The following GRIN1 variants were observed in gnomAD, a reference collection of about 807,000 sequenced individuals.
GRIN1 encodes glutamate receptor ionotropic, NMDA 1.
In GRIN1, 38 loss-of-function variants were observed where a neutral mutation model predicts 103.0. The ratio of observed to expected loss-of-function variants is 0.37; its 90% confidence interval spans 0.28 to 0.48. The LOEUF is 0.48. GRIN1 is among the 20% of genes least tolerant of loss of function. The pLI is 0.98. For missense variants in GRIN1, 577 were observed against 1,288.9 expected, an observed-to-expected ratio of 0.45 and a Z score of 8.46; for synonymous variants, 544 against 532.7, an observed-to-expected ratio of 1.02 and a Z score of -0.29.
intron 1 of GRIN1, among the ~76,000 whole-genome samples, chr9:137,140,389 G>C (rs998499936): frequency 6.6e-6 from 1 of 152,238 alleles, no homozygotes; most frequent in Non-Finnish European, 1.5e-5. Flanking sequence ...CAATGAGGCT[G>C]CAAGGATCTG....
Position 137,167,410 on chromosome 9 carries a change from G to T in GRIN1, c.2701-1G>T. On this transcript the variant is annotated splice_acceptor_variant, in intron 19 of 19. Coordinates refer to ENST00000371561, the MANE Select transcript of GRIN1 (RefSeq NM_007327.4). LOFTEE classifies it high-confidence loss of function. ...TATTGATTGTTGGTTCTTATTTATAGAGCACCGGGGGTGGACGCGGCGCTT... is the reference window on the plus strand; with the variant it reads ...TATTGATTGTTGGTTCTTATTTATATAGCACCGGGGGTGGACGCGGCGCTT... 1 of 1,558,720 alleles carries T rather than the reference G, an allele frequency of 6.4e-7. No homozygotes were observed. The highest frequency in any genetic ancestry group is 2.4e-5 in the East Asian group (1 of 41,936).
chr9:137,167,470 C>T lies in GRIN1; in HGVS notation c.2760C>T (p.Arg920=), dbSNP rs895127813. ...AAAAAGACACAGTGCTGCCGCGACG[C>T]GCTATTGAGAGGGAGGAGGGCCAGC... ...QNQKDTVLPR[R]AIEREEGQLQ... The change falls in exon 20 of 20, where the codon CGC becomes CGT. Residue 920 remains arginine, a synonymous_variant. Coordinates refer to ENST00000371561, the MANE Select transcript of GRIN1 (RefSeq NM_007327.4). 4 of 1,560,140 alleles carry T rather than the reference C, an allele frequency of 2.6e-6. No individual in the cohort carries two copies. The highest frequency in any genetic ancestry group is 3.5e-6 in the Non-Finnish European group (4 of 1,152,098).
At chr9:137,155,126 G>A (rs531424832) in intron 4 of GRIN1, among the ~76,000 whole-genome samples, 17 of 152,310 alleles carry the variant, frequency 1.1e-4, no homozygotes, top group Non-Finnish European at 1.9e-4. Flanking sequence ...TAAAACGATC[G>A]GATGAGTTTT....
rs1833975547 is a variant in GRIN1, at chr9:137,168,120, CG to C, written c.*598del. ...CCTGGGGTCTCTGAGCAGTGGGGAG[CG>C]GGGGCTAACTGGCCCCAGGCGGAGG... On this transcript the variant is annotated 3_prime_UTR_variant, in exon 20 of 20. Transcript: ENST00000371561. The C allele has an allele frequency of 7.4e-6, 4 of 541,804 alleles. No individual in the cohort carries two copies. Among genetic ancestry groups the C allele is most frequent in the Non-Finnish European group, 1.3e-5 (4 of 304,666 alleles). 33.6% of individuals were successfully genotyped at this position (541,804 alleles called of 1,614,324 possible).
Position 137,167,994 on chromosome 9 carries a change from G to A in GRIN1, c.*467G>A. On this transcript the variant is annotated 3_prime_UTR_variant, in exon 20 of 20. Coordinates refer to ENST00000371561, the MANE Select transcript of GRIN1 (RefSeq NM_007327.4). ...CGCCCGCCCACCCCGCTGCCTGGCG[G>A]GCAGCCCCTGCTGGACCAAGGTGCG... 1 of 743,206 alleles carries A rather than the reference G, an allele frequency of 1.3e-6. No individual in the cohort carries two copies. The highest frequency in any genetic ancestry group is 2.3e-6 in the Non-Finnish European group (1 of 432,170). The allele number at this position is 743,206 out of a possible 1,614,324, so 46.0% of individuals were successfully genotyped here. A position where few individuals can be genotyped will look rare whatever the true frequency, so the allele number is the denominator to read the frequency against.
rs200186017 is a variant in GRIN1 at position 137,168,729 on chromosome 9, G to C, written c.*1202G>C. On this transcript the variant is annotated 3_prime_UTR_variant, in exon 20 of 20. Coordinates refer to ENST00000371561, the MANE Select transcript of GRIN1 (RefSeq NM_007327.4). Reference sequence around the variant, plus strand: ...CAACCCCCACCTCCCGGTGTATGCAGTGGTGATGCCTAAAGGAATGTCACG... The same window carrying C: ...CAACCCCCACCTCCCGGTGTATGCACTGGTGATGCCTAAAGGAATGTCACG... The C allele has an allele frequency of 1.0e-3, 734 of 702,280 alleles. 1 individual carries two copies. Among genetic ancestry groups the C allele is most frequent in the Non-Finnish European group, 1.3e-3 (683 of 515,118 alleles). The allele number at this position is 702,280 out of a possible 1,614,324, so 43.5% of individuals were successfully genotyped here. A position where few individuals can be genotyped will look rare whatever the true frequency, so the allele number is the denominator to read the frequency against.
chr9:137,151,499 T>C (rs986496343), intron 4 of GRIN1, among the ~76,000 whole-genome samples: 27 of 133,830 alleles, frequency 2.0e-4, no homozygotes, highest in Middle Eastern at 4.3e-3. Context: ...CAGGGAAAGC[T>C]TCACCCAGAG....
chr9:137,144,429 C>T lies in GRIN1; in HGVS notation c.394-1297C>T, dbSNP rs375036352. Among the ~76,000 whole-genome samples, 383 of 150,906 alleles carry T rather than the reference C, an allele frequency of 2.5e-3. 5 individuals carry two copies. In the East Asian group the frequency reaches 0.029, roughly 11 times the overall value. ...CAGCACTTTGGGAGGCCGAGGCGGGCGGATCACGAGGTCAGGAGATCGAGA... is the reference window on the plus strand; with the variant it reads ...CAGCACTTTGGGAGGCCGAGGCGGGTGGATCACGAGGTCAGGAGATCGAGA... On this transcript the variant is annotated intron_variant, in intron 2 of 19. Coordinates refer to ENST00000371561, the MANE Select transcript of GRIN1 (RefSeq NM_007327.4).
Position 137,167,875 on chromosome 9 carries a change from C to T in GRIN1, c.*348C>T, listed in dbSNP as rs948241053. On this transcript the variant is annotated 3_prime_UTR_variant, in exon 20 of 20. Coordinates refer to ENST00000371561, the MANE Select transcript of GRIN1 (RefSeq NM_007327.4). The stretch of plus-strand genomic sequence containing the variant: ...GGAGGCGCCCACCTGCCCAGTTAGC[C>T]CGGCCAAGGACACTGATGGGTCCTG... 2 of 1,593,274 alleles carry T rather than the reference C, an allele frequency of 1.3e-6. No individual in the cohort carries two copies. The highest frequency in any genetic ancestry group is 1.7e-6 in the Non-Finnish European group (2 of 1,163,826).
chr9:137,139,524 TCTC>T lies in GRIN1; in HGVS notation c.41_43del (p.Ser14del), dbSNP rs778242525. 14 of 1,606,212 alleles carry T rather than the reference TCTC, an allele frequency of 8.7e-6. No individual in the cohort carries two copies. In the South Asian group the frequency reaches 1.1e-4, roughly 13 times the overall value. On this transcript the variant is annotated inframe_deletion, in exon 1 of 20. Coordinates refer to ENST00000371561, the MANE Select transcript of GRIN1 (RefSeq NM_007327.4). The surrounding 1 kb of genome is among the most constrained non-coding windows in gnomAD (Gnocchi z 7.7). Reference sequence around the variant, plus strand: ...CGCCTGCTGACGCTCGCCCTGCTGTTCTCCTGCTCCGTCGCCCGTGCCGCGTGC... The same window carrying T: ...CGCCTGCTGACGCTCGCCCTGCTGTTCTGCTCCGTCGCCCGTGCCGCGTGC...
chr9:137,158,493 G>T lies in GRIN1; in HGVS notation c.1083G>T (p.Leu361=). 1 of 1,613,352 alleles carries T rather than the reference G, an allele frequency of 6.2e-7. No individual in the cohort carries two copies. The highest frequency in any genetic ancestry group is 1.3e-5 in the African/African-American group (1 of 75,040). The change falls in exon 7 of 20, where the codon CTG becomes CTT. Residue 361 remains leucine (L), a synonymous_variant. Coordinates refer to ENST00000371561, the MANE Select transcript of GRIN1 (RefSeq NM_007327.4). ...TCATGAACCTGCAGAACCGCAAGCTGGTGCAAGTGGGCATCTACAATGGCA... is the reference window on the plus strand; with the variant it reads ...TCATGAACCTGCAGAACCGCAAGCTTGTGCAAGTGGGCATCTACAATGGCA... ...YSIMNLQNRK[L]VQVGIYNGTH...
At position 137,139,297 on chromosome 9, in the gene GRIN1, G is replaced by T. The variant is rs1356479660; in HGVS notation, c.-190G>T. The T allele has an allele frequency of 2.1e-5, 5 of 234,354 alleles. No individual in the cohort carries two copies. Among genetic ancestry groups the T allele is most frequent in the Non-Finnish European group, 4.0e-5 (5 of 124,820 alleles). The allele number at this position is 234,354 out of a possible 1,614,324, so 14.5% of individuals were successfully genotyped here. On this transcript the variant is annotated 5_prime_UTR_variant, in exon 1 of 20. Coordinates refer to ENST00000371561, the MANE Select transcript of GRIN1 (RefSeq NM_007327.4). This position sits in a 1 kb window ranked among gnomAD's most constrained non-coding sequence, Gnocchi z 7.7. Reference sequence around the variant, plus strand: ...GACAGCGCCGGCCGCGTGGGGCTGAGCCCCGAGCCCCCGCGCACGCTTCAG... The same window carrying T: ...GACAGCGCCGGCCGCGTGGGGCTGATCCCCGAGCCCCCGCGCACGCTTCAG...
At position 137,145,839 on chromosome 9, in the gene GRIN1, C is replaced by T. The variant is rs199720207; in HGVS notation, c.507C>T (p.Asp169=). The stretch of plus-strand genomic sequence containing the variant: ...ACCACATCATCCTGCTGGTCAGCGA[C>T]GACCACGAGGGCCGGGCGGCTCAGA... ...SWNHIILLVS[D]DHEGRAAQKR... Residue 169 remains aspartate, a synonymous_variant, in exon 3 of 20, where the codon GAC becomes GAT. Coordinates refer to ENST00000371561, the MANE Select transcript of GRIN1 (RefSeq NM_007327.4). 74 of 1,612,330 alleles carry T rather than the reference C, an allele frequency of 4.6e-5. No homozygotes were observed. In the East Asian group the frequency reaches 7.8e-4, roughly 17 times the overall value.
chr9:137,151,676 G>A (rs1047744797), intron 4 of GRIN1, among the ~76,000 whole-genome samples: 1 of 152,128 alleles, frequency 6.6e-6, no homozygotes, highest in Admixed American at 6.5e-5. Flanking sequence ...TTCCTTTTTC[G>A]TTGTTTTGAG....
chr9:137,148,384 G>A (rs1335112359), intron 3 of GRIN1, among the ~76,000 whole-genome samples: 2 of 152,186 alleles, frequency 1.3e-5, no homozygotes, highest in African/African-American at 4.8e-5. Context: ...AGGCGTGGCG[G>A]CGTGGGTGCC....
chr9:137,145,986 A>G, intron 3 of GRIN1, 84 bp downstream of exon 3: 1 of 1,002,458 alleles, frequency 1.0e-6, no homozygotes, highest in Non-Finnish European at 1.5e-6. Flanking sequence ...CGTGTGTGAC[A>G]CCCTCTTCTT....
At position 137,168,124 on chromosome 9, in the gene GRIN1, G is replaced by A; in HGVS notation, c.*597G>A. The A allele has an allele frequency of 1.8e-6, 1 of 541,388 alleles. No individual in the cohort carries two copies. The highest frequency in any genetic ancestry group is 3.3e-6 in the Non-Finnish European group (1 of 304,258). The allele number at this position is 541,388 out of a possible 1,614,324, so 33.5% of individuals were successfully genotyped here. On this transcript the variant is annotated 3_prime_UTR_variant, in exon 20 of 20. Coordinates refer to ENST00000371561, the MANE Select transcript of GRIN1 (RefSeq NM_007327.4). ...GGGTCTCTGAGCAGTGGGGAGCGGGGGCTAACTGGCCCCAGGCGGAGGGGC... is the reference window on the plus strand; with the variant it reads ...GGGTCTCTGAGCAGTGGGGAGCGGGAGCTAACTGGCCCCAGGCGGAGGGGC...
intron 19 of GRIN1, among the ~76,000 whole-genome samples, chr9:137,166,885 G>A (rs564873378): frequency 2.0e-5 from 3 of 152,360 alleles, no homozygotes; most frequent in African/African-American, 7.2e-5. Context: ...AGGCAGACAG[G>A]AGAAACAGCG....
Position 137,162,869 on chromosome 9 carries a change from T to C in GRIN1, c.2037T>C (p.Phe679=). The C allele has an allele frequency of 6.2e-7, 1 of 1,612,318 alleles. No homozygotes were observed. The highest frequency in any genetic ancestry group is 1.3e-5 in the African/African-American group (1 of 75,044). Residue 679 remains phenylalanine, a synonymous_variant, in exon 15 of 20, where the codon TTT becomes TTC. Coordinates refer to ENST00000371561, the MANE Select transcript of GRIN1 (RefSeq NM_007327.4). The part of the protein sequence containing the change: ...DPRLRNPSDK[F]IYATVKQSSV... Reference sequence around the variant, plus strand: ...AGCTGAGGAACCCCTCGGACAAGTTTATCTACGCCACGGTGAAGCAGAGCT... The same window carrying C: ...AGCTGAGGAACCCCTCGGACAAGTTCATCTACGCCACGGTGAAGCAGAGCT...
Sources: allele counts gnomAD v4.1 joint callset (sites outside exome capture counted in the v4.1 genomes callset), GRCh38; gene constraint gnomAD v4.1.1; non-coding constraint Gnocchi (gnomAD v3.1); transcripts MANE v1.5; gene names NCBI Gene and HGNC (gene_info 2026-07-23, HGNC 2026-07-21).